Variants in ZFYVE21 observed in about 807,000 individuals in gnomAD.
ZFYVE21 encodes zinc finger FYVE-type containing 21, also known as zinc finger FYVE domain-containing protein 21.
Under a neutral mutation model 29.5 loss-of-function variants are expected in ZFYVE21, and 21 were observed. The observed-to-expected ratio is 0.71, with a 90% CI of 0.50 to 1.02. The LOEUF (loss-of-function observed/expected upper bound fraction) is 1.02, where lower values mean the gene tolerates loss of function less well. ZFYVE21 is among the 50% of genes least tolerant of loss of function. ZFYVE21 has a pLI of 0.00. For missense variants in ZFYVE21, 326 were observed against 335.4 expected (o/e 0.97, Z 0.22); for synonymous variants, 151 against 133.8 (o/e 1.13, Z -0.89).
In ZFYVE21 at chr14:103,727,733, C is replaced by G; in HGVS notation, c.190-13C>G. ...TGCCCCTCCTCACTGCCAATCCTCC[C>G]GCATCTGCCCAGCACCACTGTCGCC... On this transcript the variant is annotated splice_polypyrimidine_tract_variant and intron_variant, in intron 2 of 6. Transcript: ENST00000311141. 2 of 1,602,226 alleles carry G rather than the reference C, an allele frequency of 1.2e-6. No individual in the cohort carries two copies. Among genetic ancestry groups the G allele is most frequent in the Non-Finnish European group, 1.7e-6 (2 of 1,178,134 alleles).
In ZFYVE21 at chr14:103,733,463, T is replaced by TG. The variant is rs1327471548; in HGVS notation, c.*446dup. 6.2e-6 allele frequency: 1 copy of TG among 160,746 alleles called. No homozygotes were observed. Among genetic ancestry groups the TG allele is most frequent in the East Asian group, 1.8e-4 (1 of 5,460 alleles). The allele number at this position is 160,746 out of a possible 1,614,324, so 10.0% of individuals were successfully genotyped here. A position where few individuals can be genotyped will look rare whatever the true frequency, so the allele number is the denominator to read the frequency against. On this transcript the variant is annotated 3_prime_UTR_variant, in exon 7 of 7. Coordinates refer to ENST00000311141, the MANE Select transcript of ZFYVE21 (RefSeq NM_024071.4). Reference sequence around the variant, plus strand: ...CCTCTAATAGCCAGTTTACAGCACTTGCCTTAGCCTGTTTCACAGACTTGT... The same window carrying TG: ...CCTCTAATAGCCAGTTTACAGCACTTGGCCTTAGCCTGTTTCACAGACTTGT...
At position 103,715,838 on chromosome 14, in the gene ZFYVE21, C is replaced by G; in HGVS notation, c.-4C>G. 1 of 1,398,056 alleles carries G rather than the reference C, an allele frequency of 7.2e-7. No individual in the cohort carries two copies. The highest frequency in any genetic ancestry group is 9.4e-7 in the Non-Finnish European group (1 of 1,069,434). 86.6% of individuals were successfully genotyped at this position (1,398,056 alleles called of 1,614,324 possible). ...GCCGCTGGCCGAGAGGCTGAGGCGGCGTCATGTCCTCCGAGGTGTCCGCGC... is the reference window on the plus strand; with the variant it reads ...GCCGCTGGCCGAGAGGCTGAGGCGGGGTCATGTCCTCCGAGGTGTCCGCGC... On this transcript the variant is annotated 5_prime_UTR_variant, in exon 1 of 7. Transcript: ENST00000311141.
At chr14:103,731,335 C>T (rs1158776417) in intron 5 of ZFYVE21, 7 of 150,992 alleles carry the variant, frequency 4.6e-5, no homozygotes, top group African/African-American at 1.5e-4. Context: ...CACGGTGGCT[C>T]ATGCCTATAA....
At chr14:103,721,637 G>A (rs191068982) in intron 1 of ZFYVE21, among the ~76,000 whole-genome samples, 38 of 152,356 alleles carry the variant, frequency 2.5e-4, no homozygotes, top group African/African-American at 8.7e-4. Context: ...AAGAGGGTCA[G>A]GCAGCAGATG....
At chr14:103,726,950 T>TTTTTTG in intron 2 of ZFYVE21, 108 bp downstream of exon 2, 24 of 968,564 alleles carry the variant, frequency 2.5e-5, no homozygotes, top group Non-Finnish European at 2.7e-5. Flanking sequence ...TATGGCTCGT[T>TTTTTTG]TTTTTTTTTT....
intron 1 of ZFYVE21, chr14:103,725,858 G>A (rs1030782375): frequency 2.0e-5 from 3 of 152,272 alleles, no homozygotes; most frequent in Non-Finnish European, 4.4e-5. Context: ...GTACCACCTT[G>A]CCATGGGGCT....
chr14:103,728,852 G>A, intron 3 of ZFYVE21, 56 bp from the exon 4 acceptor site: 2 of 1,566,154 alleles, frequency 1.3e-6, no homozygotes, highest in East Asian at 2.2e-5. Flanking sequence ...CTCGTGGGAA[G>A]GGTTAGGTGG....
chr14:103,730,258 G>A, intron 5 of ZFYVE21: 1 of 210,888 alleles, frequency 4.7e-6, no homozygotes. Context: ...ACTTCTGTCA[G>A]CCTCCTGGAT....
chr14:103,729,091 A>G lies in ZFYVE21; in HGVS notation c.435A>G (p.Arg145=). The change falls in exon 5 of 7, where the codon AGA becomes AGG. Residue 145 remains arginine (R), a splice_region_variant and synonymous_variant. Transcript: ENST00000311141. The part of the protein sequence containing the change: ...TMTCRLSNNQ[R]YLFLDGDSHY... ...ATTTGGACACTTTTATTTGATGTAGATACTTGTTTCTGGATGGAGACAGCC... is the reference window on the plus strand; with the variant it reads ...ATTTGGACACTTTTATTTGATGTAGGTACTTGTTTCTGGATGGAGACAGCC... 1.9e-6 allele frequency: 3 copies of G among 1,613,944 alleles called. No homozygotes were observed. The highest frequency in any genetic ancestry group is 2.5e-6 in the Non-Finnish European group (3 of 1,180,022).
At position 103,732,607 on chromosome 14, in the gene ZFYVE21, C is replaced by T. The variant is rs756213693; in HGVS notation, c.527-13C>T. The stretch of plus-strand genomic sequence containing the variant: ...CCTCCTTTGGGCCGTCTTACCTCGT[C>T]TCTCTCCTCCAGGAGGCAACGCACG... On this transcript the variant is annotated splice_polypyrimidine_tract_variant and intron_variant, in intron 5 of 6. Coordinates refer to ENST00000311141, the MANE Select transcript of ZFYVE21 (RefSeq NM_024071.4). 1 of 1,555,320 alleles carries T rather than the reference C, an allele frequency of 6.4e-7. No individual in the cohort carries two copies. The highest frequency in any genetic ancestry group is 2.3e-5 in the East Asian group (1 of 43,842).
intron 5 of ZFYVE21, chr14:103,732,392 C>T (rs527779306): frequency 7.0e-6 from 3 of 427,280 alleles, no homozygotes; most frequent in East Asian, 3.7e-5. Context: ...CTGGGGCACC[C>T]GGCTGAGTGT....
rs1555430532 is a variant in ZFYVE21, at chr14:103,726,949, T to TTTTTTTG, written c.189+113_189+114insGTTTTTT. The TTTTTTTG allele has an allele frequency of 2.1e-3, 1,411 of 687,502 alleles. 12 individuals are homozygous for TTTTTTTG. Among genetic ancestry groups the TTTTTTTG allele is most frequent in the Non-Finnish European group, 2.4e-3 (1,138 of 481,418 alleles). The allele number at this position is 687,502 out of a possible 1,614,324, so 42.6% of individuals were successfully genotyped here. ...GGGACGGATGTCATCTTATGGCTCG[T>TTTTTTTG]TTTTTTTTTTTTTGAGACGGAGTTT... On this transcript the variant is annotated intron_variant, in intron 2 of 6. Coordinates refer to ENST00000311141, the MANE Select transcript of ZFYVE21 (RefSeq NM_024071.4).
intron 2 of ZFYVE21, chr14:103,727,411 C>T (rs1056405342): frequency 1.8e-5 from 8 of 436,194 alleles, no homozygotes; most frequent in South Asian, 5.3e-5. Context: ...GCTTTGCCCT[C>T]GTGAAGTGTC....
At chr14:103,730,342 C>CT (rs1256335507) in intron 5 of ZFYVE21, 1 of 155,656 alleles carries the variant, frequency 6.4e-6, no homozygotes, top group Admixed American at 6.5e-5. Flanking sequence ...TGGCATCAAG[C>CT]TGGTTGCCTT....
chr14:103,723,280 G>A (rs1595689569), intron 1 of ZFYVE21, among the ~76,000 whole-genome samples: 1 of 152,346 alleles, frequency 6.6e-6, no homozygotes, highest in Middle Eastern at 3.4e-3. Flanking sequence ...CTGTGCCACC[G>A]CACAGCAGGC....
chr14:103,729,233 T>TG, intron 5 of ZFYVE21, 51 bp downstream of exon 5: 1 of 1,593,418 alleles, frequency 6.3e-7, no homozygotes, highest in Non-Finnish European at 8.6e-7. Flanking sequence ...GTGCCATGCG[T>TG]GGGTGACAAG....
chr14:103,722,113 G>A (rs1053033831), intron 1 of ZFYVE21, among the ~76,000 whole-genome samples: 2 of 152,242 alleles, frequency 1.3e-5, no homozygotes, highest in African/African-American at 4.8e-5. Context: ...CCTTTGCGGG[G>A]CGTGCTTACT....
Position 103,715,812 on chromosome 14 carries a change from G to A in ZFYVE21, c.-30G>A, listed in dbSNP as rs1309792573. 11 of 1,330,172 alleles carry A rather than the reference G, an allele frequency of 8.3e-6. No homozygotes were observed. Among genetic ancestry groups the A allele is most frequent in the African/African-American group, 1.5e-5 (1 of 65,166 alleles). 82.4% of individuals were successfully genotyped at this position (1,330,172 alleles called of 1,614,324 possible). On this transcript the variant is annotated 5_prime_UTR_variant, in exon 1 of 7. Coordinates refer to ENST00000311141, the MANE Select transcript of ZFYVE21 (RefSeq NM_024071.4). ...GGGCTGGGCGAGGGGCCGGGTGCGG[G>A]GCCGCTGGCCGAGAGGCTGAGGCGG...
Position 103,715,939 on chromosome 14 carries a change from C to G in ZFYVE21, c.98C>G (p.Pro33Arg). 2 of 1,427,150 alleles carry G rather than the reference C, an allele frequency of 1.4e-6. No individual in the cohort carries two copies. Among genetic ancestry groups the G allele is most frequent in the Non-Finnish European group, 1.9e-6 (2 of 1,080,744 alleles). 88.4% of individuals were successfully genotyped at this position (1,427,150 alleles called of 1,614,324 possible). Residue 33 changes from proline (P) to arginine (R), a missense_variant, in exon 1 of 7, where the codon CCG becomes CGG. Transcript: ENST00000311141. ...MVPEHRAFGS[P>R]FGLEEPQWVP... Reference sequence around the variant, plus strand: ...CCCGAACACCGCGCCTTCGGAAGCCCGTTCGGCCTGGAGGAGCCGCAGTGG... The same window carrying G: ...CCCGAACACCGCGCCTTCGGAAGCCGGTTCGGCCTGGAGGAGCCGCAGTGG...
Sources: gnomAD v4.1 joint callset for allele counts (sites outside exome capture counted in the v4.1 genomes callset) on GRCh38, gnomAD v4.1.1 for gene constraint, MANE v1.5 for transcripts, NCBI Gene and HGNC (gene_info 2026-07-23, HGNC 2026-07-21) for gene names.